NCAM2: variants seen among roughly 807,000 people sequenced by gnomAD.
The protein encoded by NCAM2 is neural cell adhesion molecule 2, also known as N-CAM-2.
Under a neutral mutation model 98.1 loss-of-function variants are expected in NCAM2, and 30 were observed. That is an observed-to-expected ratio of 0.31 (90% CI 0.23 to 0.41). The LOEUF (loss-of-function observed/expected upper bound fraction) is 0.41, where lower values mean the gene tolerates loss of function less well. Ranked by LOEUF, NCAM2 falls within the 10% of genes least tolerant of loss-of-function variation. NCAM2 has a pLI of 1.00. For synonymous variants in NCAM2, 368 were observed against 342.4 expected, an observed-to-expected ratio of 1.07 and a Z score of -0.83; for missense variants, 867 against 1,005.8, an observed-to-expected ratio of 0.86 and a Z score of 1.87.
At chr21:21,394,840 T>C (rs937756550) in intron 9 of NCAM2, among the ~76,000 whole-genome samples, 1 of 152,090 alleles carries the variant, frequency 6.6e-6, no homozygotes, top group Non-Finnish European at 1.5e-5. Context: ...AAGTCCAAAT[T>C]TCTGTGTCTT....
intron 1 of NCAM2, among the ~76,000 whole-genome samples, chr21:21,017,511 T>C (rs1204113510): frequency 6.6e-6 from 1 of 150,958 alleles, no homozygotes; most frequent in Non-Finnish European, 1.5e-5. Context: ...AGTGGTGATT[T>C]GAAATGGACC....
intron 11 of NCAM2, among the ~76,000 whole-genome samples, chr21:21,428,261 C>T (rs1487934403): frequency 1.3e-5 from 2 of 152,002 alleles, no homozygotes; most frequent in African/African-American, 4.8e-5. Context: ...AATATGGTAA[C>T]AATGAAGGAA....
chr21:21,373,443 C>G (rs1450535362), intron 8 of NCAM2, among the ~76,000 whole-genome samples: 1 of 151,840 alleles, frequency 6.6e-6, no homozygotes, highest in East Asian at 1.9e-4. Context: ...AAGTGTAAAA[C>G]ACGTCTGTGA....
intron 1 of NCAM2, among the ~76,000 whole-genome samples, chr21:21,136,074 A>C (rs191899643): frequency 7.5e-4 from 114 of 152,284 alleles, no homozygotes; most frequent in African/African-American, 2.6e-3. Flanking sequence ...CTCTGTTTAT[A>C]TATCCATCAT....
At chr21:21,528,369 G>T (rs778369932) in intron 16 of NCAM2, among the ~76,000 whole-genome samples, 74 of 152,144 alleles carry the variant, frequency 4.9e-4, no homozygotes, top group Non-Finnish European at 7.1e-4. Flanking sequence ...ATGTGTCAAG[G>T]TAGGTTCATT....
chr21:21,516,340 A>C (rs1056825529), intron 16 of NCAM2, among the ~76,000 whole-genome samples: 5 of 152,154 alleles, frequency 3.3e-5, no homozygotes, highest in African/African-American at 1.2e-4. Context: ...AATAATTATT[A>C]GTTTGGGAAG....
rs148139686 is a variant in NCAM2 at position 21,240,073 on chromosome 21, G to C, written c.56-40505G>C. The stretch of plus-strand genomic sequence containing the variant: ...AAAATAATATTATCACCTATCTTCT[G>C]TTTCTTCTAGAAGAAGTTGTGTTTG... On this transcript the variant is annotated intron_variant, in intron 1 of 17. Coordinates refer to ENST00000400546, the MANE Select transcript of NCAM2 (RefSeq NM_004540.5). Among the ~76,000 whole-genome samples the C allele has an allele frequency of 2.3e-3, 355 of 152,008 alleles. 1 individual carries two copies. Among genetic ancestry groups the C allele is most frequent in the African/African-American group, 8.3e-3 (344 of 41,450 alleles).
In NCAM2 at chr21:21,202,673, C is replaced by T. The variant is rs549552902; in HGVS notation, c.56-77905C>T. ...TCAGATCATCTGCCCACCGCAGCCT[C>T]CCAAAGTGCTGGGATTACAGGCGTG... is the stretch of plus-strand genomic sequence containing the variant. On this transcript the variant is annotated intron_variant, in intron 1 of 17. Transcript: ENST00000400546. Among the ~76,000 whole-genome samples, 34 of 152,182 alleles carry T rather than the reference C, an allele frequency of 2.2e-4. No individual in the cohort carries two copies. In the South Asian group the frequency reaches 6.8e-3, roughly 31 times the overall value.
chr21:21,343,920 G>A (rs774563788), intron 8 of NCAM2, among the ~76,000 whole-genome samples: 6 of 152,132 alleles, frequency 3.9e-5, no homozygotes, highest in African/African-American at 1.4e-4. Context: ...AGCTGGGGTG[G>A]CCAAAGGAGT....
intron 1 of NCAM2, among the ~76,000 whole-genome samples, chr21:21,009,907 G>GTGTGTA (rs1568923290): frequency 6.6e-6 from 1 of 151,548 alleles, no homozygotes; most frequent in African/African-American, 2.4e-5. Context: ...GTGTGTGTGT[G>GTGTGTA]TGTGTGTGTG....
At chr21:21,356,073 A>G (rs1267081359) in intron 8 of NCAM2, among the ~76,000 whole-genome samples, 3 of 152,218 alleles carry the variant, frequency 2.0e-5, no homozygotes, top group African/African-American at 7.2e-5. Context: ...TGAAGAATAC[A>G]TACTTAAAAT....
chr21:21,105,828 G>A (rs1569028537), intron 1 of NCAM2, among the ~76,000 whole-genome samples: 1 of 152,024 alleles, frequency 6.6e-6, no homozygotes, highest in African/African-American at 2.4e-5. Flanking sequence ...CCAAGGAAAT[G>A]TTTGCAATAT....
At chr21:21,319,100 G>C (rs1269580833) in intron 5 of NCAM2, among the ~76,000 whole-genome samples, 2 of 152,026 alleles carry the variant, frequency 1.3e-5, no homozygotes, top group South Asian at 4.2e-4. Flanking sequence ...TTGGGTGACA[G>C]AGGGAGACCC....
intron 5 of NCAM2, among the ~76,000 whole-genome samples, chr21:21,310,233 T>C (rs2074003385): frequency 6.6e-6 from 1 of 152,182 alleles, no homozygotes; most frequent in Non-Finnish European, 1.5e-5. Context: ...TAATTCTCCC[T>C]CAGGTTTGCC....
At chr21:21,062,279 C>G (rs55942706) in intron 1 of NCAM2, among the ~76,000 whole-genome samples, 26,958 of 152,056 alleles carry the variant, frequency 0.18, 2,608 homozygotes, top group Non-Finnish European at 0.19. Flanking sequence ...AGAAATATCT[C>G]AAAGTATTTT....
chr21:21,225,800 G>A (rs1310749170), intron 1 of NCAM2, among the ~76,000 whole-genome samples: 1 of 151,954 alleles, frequency 6.6e-6, no homozygotes, highest in East Asian at 1.9e-4. Flanking sequence ...ACACACCAAA[G>A]AATTAATGAA....
At chr21:21,204,372 C>T (rs2069354997) in intron 1 of NCAM2, among the ~76,000 whole-genome samples, 1 of 152,072 alleles carries the variant, frequency 6.6e-6, no homozygotes, top group South Asian at 2.1e-4. Flanking sequence ...TTTTCGGTAG[C>T]TTTCTTATAC....
At chr21:21,168,141 C>G (rs2068011736) in intron 1 of NCAM2, among the ~76,000 whole-genome samples, 1 of 151,994 alleles carries the variant, frequency 6.6e-6, no homozygotes, top group Non-Finnish European at 1.5e-5. Flanking sequence ...GTGTGTAAGT[C>G]TGGTTCAACA....
intron 1 of NCAM2, among the ~76,000 whole-genome samples, chr21:21,088,144 T>C (rs2065939999): frequency 6.6e-6 from 1 of 152,224 alleles, no homozygotes; most frequent in Admixed American, 6.5e-5. Context: ...ATTAATAGCT[T>C]TCAAACAGTT....
Sources: allele counts gnomAD v4.1 joint callset (sites outside exome capture counted in the v4.1 genomes callset), GRCh38; gene constraint gnomAD v4.1.1; transcripts MANE v1.5; gene names NCBI Gene and HGNC (gene_info 2026-07-23, HGNC 2026-07-21).